The following DLGAP2 variants were observed in gnomAD, a reference collection of about 807,000 sequenced individuals.
DLGAP2 encodes the protein disks large-associated protein 2.
DLGAP2 carries 26 observed loss-of-function variants against 100.3 expected under a neutral mutation model. That is an observed-to-expected ratio of 0.26 (90% confidence interval 0.19 to 0.36). The LOEUF is 0.36. Ranked by LOEUF, DLGAP2 falls within the 10% of genes least tolerant of loss-of-function variation. The pLI, the probability that DLGAP2 is intolerant of heterozygous loss-of-function variation, is 1.00. For synonymous variants in DLGAP2, 886 were observed against 630.1 expected (o/e 1.41, Z -6.08); for missense variants, 1,858 against 1,453.2 (o/e 1.28, Z -4.53).
intron 4 of DLGAP2, among the ~76,000 whole-genome samples, chr8:1,533,548 A>C (rs1321781007): frequency 6.6e-6 from 1 of 152,042 alleles, no homozygotes; most frequent in East Asian, 1.9e-4. Context: ...TGCTGTGTGC[A>C]CTGATGGCAA....
At chr8:983,880 T>A (rs1202087886) in intron 2 of DLGAP2, among the ~76,000 whole-genome samples, 1 of 152,160 alleles carries the variant, frequency 6.6e-6, no homozygotes, top group Non-Finnish European at 1.5e-5. Flanking sequence ...GCTCAAGTGA[T>A]CCTCTTGCCT....
At chr8:1,285,861 C>A (rs1799911201) in intron 3 of DLGAP2, among the ~76,000 whole-genome samples, 1 of 152,094 alleles carries the variant, frequency 6.6e-6, no homozygotes, top group African/African-American at 2.4e-5. Context: ...CCCACCAATC[C>A]TTGCAAGGAT....
At chr8:821,962 A>G in intron 1 of DLGAP2, 1 of 393,574 alleles carries the variant, frequency 2.5e-6, no homozygotes, top group East Asian at 3.6e-5. Context: ...TTCTTGCCAT[A>G]TTGCTCTTTT....
intron 4 of DLGAP2, among the ~76,000 whole-genome samples, chr8:1,512,495 T>A (rs1443474146): frequency 2.0e-5 from 3 of 151,838 alleles, no homozygotes; most frequent in African/African-American, 7.3e-5. Context: ...GAGTCTAGCA[T>A]GGGAAAATCA....
intron 9 of DLGAP2, 134 bp from the exon 10 acceptor site, chr8:1,669,609 A>G: frequency 1.4e-6 from 1 of 701,856 alleles, no homozygotes; most frequent in Non-Finnish European, 2.6e-6. Flanking sequence ...GAGGAGGGTG[A>G]GTGGAGCGTG....
intron 3 of DLGAP2, among the ~76,000 whole-genome samples, chr8:1,471,443 C>T (rs927834294): frequency 6.6e-6 from 1 of 151,962 alleles, no homozygotes; most frequent in African/African-American, 2.4e-5. Flanking sequence ...TTCCATCTGC[C>T]TGTGACGCAG....
At chr8:1,340,621 C>G (rs544989720) in intron 3 of DLGAP2, among the ~76,000 whole-genome samples, 171 of 152,334 alleles carry the variant, frequency 1.1e-3, no homozygotes, top group Non-Finnish European at 2.2e-3. Flanking sequence ...TGCTTACACA[C>G]TGTTAGCTGG....
chr8:1,199,585 G>A (rs762017931), intron 2 of DLGAP2, among the ~76,000 whole-genome samples: 2 of 152,150 alleles, frequency 1.3e-5, no homozygotes, highest in Admixed American at 6.5e-5. Flanking sequence ...TAATGACCTC[G>A]GGAAACACCA....
intron 2 of DLGAP2, among the ~76,000 whole-genome samples, chr8:1,064,802 T>C (rs941788595): frequency 1.3e-5 from 2 of 152,172 alleles, no homozygotes; most frequent in Admixed American, 6.5e-5. Flanking sequence ...GAGGGACAAA[T>C]GCTTATTAGG....
At chr8:883,539 A>G (rs1797854669) in intron 1 of DLGAP2, among the ~76,000 whole-genome samples, 1 of 151,108 alleles carries the variant, frequency 6.6e-6, no homozygotes, top group South Asian at 2.1e-4. Flanking sequence ...CCCAGGATAC[A>G]TGTACAGAAT....
chr8:1,317,682 G>A (rs1364260425), intron 3 of DLGAP2, among the ~76,000 whole-genome samples: 34 of 131,726 alleles, frequency 2.6e-4, no homozygotes, highest in South Asian at 1.6e-3. Flanking sequence ...CGAGTGCAGC[G>A]TCTCTCCAAC....
chr8:1,380,189 A>T (rs10093938), intron 3 of DLGAP2: 15,565 of 152,046 alleles, frequency 0.1, 1,251 homozygotes, highest in East Asian at 0.25. Flanking sequence ...TGAAAAGAGT[A>T]CTCGAATGTG....
chr8:1,184,955 A>G (rs1051536026), intron 2 of DLGAP2, among the ~76,000 whole-genome samples: 5 of 152,100 alleles, frequency 3.3e-5, no homozygotes, highest in African/African-American at 1.2e-4. Context: ...CAGATTTCAG[A>G]CCCAGGTTTG....
chr8:1,261,951 G>A (rs989370365), intron 3 of DLGAP2, among the ~76,000 whole-genome samples: 1 of 152,142 alleles, frequency 6.6e-6, no homozygotes, highest in Non-Finnish European at 1.5e-5. Flanking sequence ...GGTGTGCAGC[G>A]CTCATTACAT....
At chr8:1,120,895 C>A (rs1412562149) in intron 2 of DLGAP2, among the ~76,000 whole-genome samples, 1 of 151,700 alleles carries the variant, frequency 6.6e-6, no homozygotes, top group African/African-American at 2.4e-5. Context: ...TCCTTCAGAT[C>A]CCATGACCTC....
In DLGAP2 at chr8:1,662,401, A is replaced by G. The variant is rs144265127; in HGVS notation, c.1811-5928A>G. The stretch of plus-strand genomic sequence containing the variant: ...TTTAGGAAACCTGGAACCGCCATAA[A>G]TCTTGCTGAAATAAGTGCCTCTTTC... On this transcript the variant is annotated intron_variant, in intron 8 of 14. Coordinates refer to ENST00000637795, the MANE Select transcript of DLGAP2 (RefSeq NM_001346810.2). 5.1e-3 allele frequency among the ~76,000 whole-genome samples: 772 copies of G among 152,316 alleles called. 6 individuals are homozygous for G. Among genetic ancestry groups the G allele is most frequent in the Admixed American group, 6.7e-3 (103 of 15,306 alleles).
chr8:1,249,288 G>T (rs1361531585), intron 2 of DLGAP2, among the ~76,000 whole-genome samples: 1 of 152,136 alleles, frequency 6.6e-6, no homozygotes, highest in Non-Finnish European at 1.5e-5. Context: ...CTCTCTGTGG[G>T]TCCCGTGGGA....
At chr8:1,391,735 T>G (rs2129814446) in intron 3 of DLGAP2, among the ~76,000 whole-genome samples, 1 of 152,352 alleles carries the variant, frequency 6.6e-6, no homozygotes, top group East Asian at 1.9e-4. Flanking sequence ...GGAGCTCACT[T>G]TGGTGCAAAT....
At chr8:918,124 C>G (rs1194028647) in intron 2 of DLGAP2, among the ~76,000 whole-genome samples, 1 of 152,132 alleles carries the variant, frequency 6.6e-6, no homozygotes, top group Non-Finnish European at 1.5e-5. Context: ...TGTGCCTTCC[C>G]CAGCTCTGGA....
Sources: gnomAD v4.1 joint callset for allele counts (sites outside exome capture counted in the v4.1 genomes callset) on GRCh38, gnomAD v4.1.1 for gene constraint, MANE v1.5 for transcripts, NCBI Gene and HGNC (gene_info 2026-07-23, HGNC 2026-07-21) for gene names.